RBPMS: variants seen among roughly 807,000 people sequenced by gnomAD.
The protein encoded by RBPMS is RNA-binding protein with multiple splicing.
RBPMS carries 7 observed loss-of-function variants against 26.8 expected under a neutral mutation model. The ratio of observed to expected loss-of-function variants is 0.26; its 90% CI spans 0.15 to 0.49. The LOEUF (loss-of-function observed/expected upper bound fraction) is 0.49, where lower values mean the gene tolerates loss of function less well. RBPMS is among the 20% of genes least tolerant of loss of function. RBPMS has a pLI of 0.98. For missense variants in RBPMS, 186 were observed against 250.0 expected (o/e 0.74, Z 1.73); for synonymous variants, 96 against 93.3 (o/e 1.03, Z -0.17).
intron 1 of RBPMS, among the ~76,000 whole-genome samples, chr8:30,419,309 G>A (rs1810463690): frequency 6.6e-6 from 1 of 152,098 alleles, no homozygotes; most frequent in African/African-American, 2.4e-5. Context: ...ATCCGGGCAT[G>A]GTGGTGCACG....
intron 5 of RBPMS, among the ~76,000 whole-genome samples, chr8:30,512,556 T>C (rs939664067): frequency 1.3e-5 from 2 of 152,096 alleles, no homozygotes; most frequent in Non-Finnish European, 2.9e-5. Flanking sequence ...CATAGTCATA[T>C]CTCATCACTT....
At chr8:30,545,638 TA>T (rs1825807504) in intron 6 of RBPMS, 1 of 162,618 alleles carries the variant, frequency 6.1e-6, no homozygotes, top group Non-Finnish European at 1.3e-5. Context: ...CCTTCTGACT[TA>T]AAACTCTTTT....
At chr8:30,462,416 T>C (rs1432988233) in intron 1 of RBPMS, among the ~76,000 whole-genome samples, 1 of 151,042 alleles carries the variant, frequency 6.6e-6, no homozygotes, top group African/African-American at 2.4e-5. Flanking sequence ...AACATTATAC[T>C]TTTTTGTTTG....
At chr8:30,549,856 C>CT (rs1184154625) in intron 6 of RBPMS, among the ~76,000 whole-genome samples, 103 of 94,336 alleles carry the variant, frequency 1.1e-3, no homozygotes, top group African/African-American at 3.5e-3. Context: ...TTTCTTTCTT[C>CT]TTTTTTTTTT....
At chr8:30,474,487 C>T (rs1817477723) in intron 1 of RBPMS, among the ~76,000 whole-genome samples, 1 of 152,022 alleles carries the variant, frequency 6.6e-6, no homozygotes, top group Admixed American at 6.6e-5. Flanking sequence ...AAATTTAAAT[C>T]AACTAGATGT....
intron 1 of RBPMS, among the ~76,000 whole-genome samples, chr8:30,458,578 A>G (rs1362608749): frequency 6.6e-6 from 1 of 152,202 alleles, no homozygotes; most frequent in East Asian, 1.9e-4. Context: ...AAAAAAAACA[A>G]AAAACAAAAA....
intron 5 of RBPMS, among the ~76,000 whole-genome samples, chr8:30,517,357 T>C (rs1822455322): frequency 6.6e-6 from 1 of 152,104 alleles, no homozygotes; most frequent in Admixed American, 6.5e-5. Context: ...AGGTCCCTTA[T>C]CCTTCTTTTC....
At chr8:30,490,086 A>G in intron 4 of RBPMS, among the ~76,000 whole-genome samples, 1 of 152,206 alleles carries the variant, frequency 6.6e-6, no homozygotes, top group East Asian at 1.9e-4. Context: ...TGCTGGGATT[A>G]CAGGCGAGAG....
At chr8:30,476,983 A>G (rs1279107457) in intron 2 of RBPMS, among the ~76,000 whole-genome samples, 2 of 152,184 alleles carry the variant, frequency 1.3e-5, no homozygotes, top group Non-Finnish European at 1.5e-5. Context: ...TTAGCAAAGT[A>G]ACTCAACAAA....
intron 1 of RBPMS, among the ~76,000 whole-genome samples, chr8:30,388,681 A>AT (rs1807421319): frequency 6.6e-6 from 1 of 151,768 alleles, no homozygotes. Flanking sequence ...TGGTCACTGA[A>AT]TTTTCAAAAT....
intron 1 of RBPMS, among the ~76,000 whole-genome samples, chr8:30,429,792 G>A (rs76044520): frequency 8.1e-4 from 123 of 152,184 alleles, no homozygotes; most frequent in Non-Finnish European, 1.4e-3. Flanking sequence ...ATTTGCTGTT[G>A]TCTCCTTTTC....
chr8:30,458,503 G>T (rs144410136), intron 1 of RBPMS, among the ~76,000 whole-genome samples: 1 of 152,128 alleles, frequency 6.6e-6, no homozygotes, highest in Non-Finnish European at 1.5e-5. Flanking sequence ...TCAAACCCAG[G>T]CAGTCTGGCT....
At chr8:30,561,167 A>AT (rs909730907) in intron 7 of RBPMS, among the ~76,000 whole-genome samples, 18 of 151,946 alleles carry the variant, frequency 1.2e-4, no homozygotes, top group Non-Finnish European at 2.1e-4. Context: ...TTTAGGAGAG[A>AT]TTTTTTTGCT....
chr8:30,461,906 T>C (rs1815954988), intron 1 of RBPMS, among the ~76,000 whole-genome samples: 1 of 152,224 alleles, frequency 6.6e-6, no homozygotes, highest in Admixed American at 6.5e-5. Flanking sequence ...TACAGAGATC[T>C]CTGAGGTTGC....
At chr8:30,542,530 T>C (rs2151041650) in intron 5 of RBPMS, among the ~76,000 whole-genome samples, 1 of 152,288 alleles carries the variant, frequency 6.6e-6, no homozygotes, top group South Asian at 2.1e-4. Context: ...CCAAACACGT[T>C]CCCCCTGAGG....
chr8:30,499,648 A>G (rs74743024), intron 4 of RBPMS, among the ~76,000 whole-genome samples: 140 of 152,320 alleles, frequency 9.2e-4, no homozygotes, highest in African/African-American at 3.2e-3. Flanking sequence ...TACTCTACAA[A>G]ATAAATAGCT....
At chr8:30,503,129 C>G (rs1218123360) in intron 4 of RBPMS, among the ~76,000 whole-genome samples, 1 of 152,172 alleles carries the variant, frequency 6.6e-6, no homozygotes, top group African/African-American at 2.4e-5. Flanking sequence ...TCCCCTTCCC[C>G]CCTTGTTTCC....
chr8:30,545,212 C>G, intron 6 of RBPMS: 1 of 1,288,868 alleles, frequency 7.8e-7, no homozygotes, highest in Non-Finnish European at 1.0e-6. Flanking sequence ...GATGGAATTA[C>G]AGGTCAAGGT....
At chr8:30,443,063 C>T (rs1330045478) in intron 1 of RBPMS, among the ~76,000 whole-genome samples, 2 of 152,186 alleles carry the variant, frequency 1.3e-5, no homozygotes, top group Admixed American at 6.5e-5. Context: ...TAAGTATTCT[C>T]GTCCACACAG....
Sources: gnomAD v4.1 joint callset for allele counts (sites outside exome capture counted in the v4.1 genomes callset) on GRCh38, gnomAD v4.1.1 for gene constraint, MANE v1.5 for transcripts, NCBI Gene and HGNC (gene_info 2026-07-23, HGNC 2026-07-21) for gene names.